Variants in CDH13 observed in about 807,000 individuals in gnomAD.
CDH13 encodes cadherin-13.
In CDH13, 24 loss-of-function variants were observed where a neutral mutation model predicts 63.8. The ratio of observed to expected loss-of-function variants is 0.38; its 90% CI spans 0.27 to 0.53. The LOEUF is 0.53. Ranked by LOEUF, CDH13 falls within the 20% of genes least tolerant of loss-of-function variation. The pLI, the probability that CDH13 is intolerant of heterozygous loss-of-function variation, is 0.85. For missense variants in CDH13, 1,049 were observed against 903.1 expected, an observed-to-expected ratio of 1.16 and a Z score of -2.07; for synonymous variants, 503 against 355.3, an observed-to-expected ratio of 1.42 and a Z score of -4.67.
At chr16:83,229,488 T>C (rs2039941467) in intron 5 of CDH13, among the ~76,000 whole-genome samples, 1 of 151,900 alleles carries the variant, frequency 6.6e-6, no homozygotes. Flanking sequence ...ATTTTAAATT[T>C]TGAGGGTTTT....
chr16:82,980,088 G>A (rs953525971), intron 2 of CDH13, among the ~76,000 whole-genome samples: 1 of 110,126 alleles, frequency 9.1e-6, no homozygotes, highest in Admixed American at 8.9e-5. Context: ...GTGATGGCAG[G>A]GACAGTTATC....
intron 4 of CDH13, among the ~76,000 whole-genome samples, chr16:83,126,805 G>T (rs73604203): frequency 0.085 from 12,953 of 152,214 alleles, 1,547 homozygotes; most frequent in African/African-American, 0.26. Context: ...CAGTACATGT[G>T]ATATGCTGGA....
chr16:83,686,768 A>G (rs1243268766), intron 10 of CDH13, among the ~76,000 whole-genome samples: 1 of 152,128 alleles, frequency 6.6e-6, no homozygotes, highest in Non-Finnish European at 1.5e-5. Flanking sequence ...CCAAAGACAG[A>G]GAAAAATTTT....
Position 83,375,477 on chromosome 16 carries a change from G to C in CDH13, c.781+30471G>C, listed in dbSNP as rs182545663. ...ATCTTATGAGTATCTGTTGTGTGCA[G>C]AGAAATATGTTGGAGGACTCTGGGA... On this transcript the variant is annotated intron_variant, in intron 6 of 13. Coordinates refer to ENST00000567109, the MANE Select transcript of CDH13 (RefSeq NM_001257.5). Among the ~76,000 whole-genome samples, 446 of 152,320 alleles carry C rather than the reference G, an allele frequency of 2.9e-3. 2 individuals are homozygous for C. The highest frequency in any genetic ancestry group is 0.01 in the African/African-American group (421 of 41,578).
intron 11 of CDH13, among the ~76,000 whole-genome samples, chr16:83,749,020 A>T (rs1234264404): frequency 6.6e-6 from 1 of 152,210 alleles, no homozygotes; most frequent in Non-Finnish European, 1.5e-5. Context: ...TATACTTTGA[A>T]TGCAGAGCTG....
At chr16:83,107,501 G>A (rs17194225) in intron 3 of CDH13, among the ~76,000 whole-genome samples, 13,944 of 152,222 alleles carry the variant, frequency 0.092, 703 homozygotes, top group African/African-American at 0.13. Context: ...TTCCAGTACA[G>A]GACAAGTTCT....
chr16:83,325,996 C>G (rs923603399), intron 5 of CDH13, among the ~76,000 whole-genome samples: 5 of 152,014 alleles, frequency 3.3e-5, no homozygotes, highest in African/African-American at 7.2e-5. Flanking sequence ...TGACATGAAC[C>G]AAATGGATTA....
chr16:82,685,611 C>T (rs1914983059), intron 1 of CDH13, among the ~76,000 whole-genome samples: 1 of 152,106 alleles, frequency 6.6e-6, no homozygotes, highest in African/African-American at 2.4e-5. Flanking sequence ...TGCACTTGCA[C>T]ATGTGTGGAT....
intron 10 of CDH13, among the ~76,000 whole-genome samples, chr16:83,730,946 A>C (rs1449162636): frequency 6.6e-6 from 1 of 152,234 alleles, no homozygotes; most frequent in Non-Finnish European, 1.5e-5. Flanking sequence ...TAATTCGCTT[A>C]GGTTAATGGC....
At chr16:83,405,520 A>G in intron 6 of CDH13, among the ~76,000 whole-genome samples, 1 of 152,228 alleles carries the variant, frequency 6.6e-6, no homozygotes, top group East Asian at 1.9e-4. Flanking sequence ...TAGAAGCAGG[A>G]AAAGGTAAGG....
At chr16:82,765,467 G>T (rs2035020517) in intron 1 of CDH13, among the ~76,000 whole-genome samples, 1 of 152,122 alleles carries the variant, frequency 6.6e-6, no homozygotes, top group African/African-American at 2.4e-5. Context: ...AGACTGCATT[G>T]TTTCCAACTG....
intron 10 of CDH13, among the ~76,000 whole-genome samples, chr16:83,746,427 C>T (rs1912590845): frequency 1.3e-5 from 2 of 152,162 alleles, no homozygotes; most frequent in Admixed American, 6.5e-5. Context: ...CCCAAGATAA[C>T]TCAAAATAAT....
In CDH13 at chr16:83,047,841, T is replaced by G. The variant is rs1477575603; in HGVS notation, c.366+15623T>G. ...ACATTAAGTCATATAATCTTTATAA[T>G]AACTCTATAATATAGGTCCTATTTT... On this transcript the variant is annotated intron_variant, in intron 3 of 13. Transcript: ENST00000567109. The surrounding 1 kb of genome is among the most constrained non-coding windows in gnomAD (Gnocchi z 4.9). Among the ~76,000 whole-genome samples, 1 of 152,230 alleles carries G rather than the reference T, an allele frequency of 6.6e-6. No individual in the cohort carries two copies. The highest frequency in any genetic ancestry group is 1.9e-4 in the East Asian group (1 of 5,198).
rs149921865 is a variant in CDH13, at chr16:82,864,639, G to A, written c.157+6166G>A. ...CTCCAGCTGGTCACCCCCTTGAAAC[G>A]TGAGGATTATGGGAATCATGGGGAT... On this transcript the variant is annotated intron_variant, in intron 2 of 13. Coordinates refer to ENST00000567109, the MANE Select transcript of CDH13 (RefSeq NM_001257.5). Among the ~76,000 whole-genome samples the A allele has an allele frequency of 2.2e-3, 337 of 152,250 alleles. 2 individuals carry two copies. Among genetic ancestry groups the A allele is most frequent in the Admixed American group, 3.5e-3 (54 of 15,294 alleles).
chr16:83,696,783 A>G (rs1567523430), intron 10 of CDH13, among the ~76,000 whole-genome samples: 1 of 152,144 alleles, frequency 6.6e-6, no homozygotes, highest in Non-Finnish European at 1.5e-5. Flanking sequence ...GATGACAATA[A>G]TTGCCCTAAC....
chr16:83,229,188 T>A (rs1350015502), intron 5 of CDH13, among the ~76,000 whole-genome samples: 1 of 152,138 alleles, frequency 6.6e-6, no homozygotes, highest in Non-Finnish European at 1.5e-5. Flanking sequence ...GAAGATAAGA[T>A]TTATTTGAGC....
chr16:82,656,001 G>A (rs890892824), intron 1 of CDH13, among the ~76,000 whole-genome samples: 2 of 152,118 alleles, frequency 1.3e-5, no homozygotes, highest in Non-Finnish European at 2.9e-5. Flanking sequence ...CAGTGTGAGA[G>A]ACAGAAACTT....
intron 11 of CDH13, among the ~76,000 whole-genome samples, chr16:83,762,400 G>A (rs923438795): frequency 2.6e-5 from 4 of 151,978 alleles, no homozygotes; most frequent in Admixed American, 1.3e-4. Context: ...AAAAAAAACT[G>A]TTAAGGAAAA....
At chr16:82,781,386 A>G (rs2035746638) in intron 1 of CDH13, among the ~76,000 whole-genome samples, 1 of 152,084 alleles carries the variant, frequency 6.6e-6, no homozygotes, top group Admixed American at 6.6e-5. Flanking sequence ...TGGTATTTGA[A>G]TGCTATCTTA....
Sources: allele counts gnomAD v4.1 joint callset (sites outside exome capture counted in the v4.1 genomes callset), GRCh38; gene constraint gnomAD v4.1.1; non-coding constraint Gnocchi (gnomAD v3.1); transcripts MANE v1.5; gene names NCBI Gene and HGNC (gene_info 2026-07-23, HGNC 2026-07-21).